Variants in SPATA17 observed in about 807,000 individuals in gnomAD.
The protein encoded by SPATA17 is spermatogenesis-associated protein 17.
In SPATA17, 53 loss-of-function variants were observed where a neutral mutation model predicts 62.2. The ratio of observed to expected loss-of-function variants is 0.85; its 90% CI spans 0.68 to 1.07. SPATA17 has a LOEUF of 1.07. Ranked by LOEUF, SPATA17 falls within the 50% of genes least tolerant of loss-of-function variation. SPATA17 has a pLI of 0.00. For missense variants in SPATA17, 466 were observed against 425.5 expected (o/e 1.10, Z -0.84); for synonymous variants, 146 against 146.8 (o/e 0.99, Z 0.04).
At chr1:217,802,943 C>T (rs1480368139) in intron 9 of SPATA17, among the ~76,000 whole-genome samples, 3 of 152,112 alleles carry the variant, frequency 2.0e-5, no homozygotes, top group Non-Finnish European at 4.4e-5. Context: ...GATGAAGTCT[C>T]GCTCTGTCGC....
chr1:217,857,134 CT>C (rs1411785702), intron 9 of SPATA17, among the ~76,000 whole-genome samples: 1 of 152,098 alleles, frequency 6.6e-6, no homozygotes, highest in African/African-American at 2.4e-5. Flanking sequence ...TCTCTCTAAT[CT>C]CAAAAGTTTT....
chr1:217,778,075 TTAA>T (rs1464012123), intron 7 of SPATA17, among the ~76,000 whole-genome samples: 7 of 152,302 alleles, frequency 4.6e-5, no homozygotes, highest in African/African-American at 1.7e-4. Flanking sequence ...CAACAAGCAA[TTAA>T]ATTTATTAAT....
rs116020793 is a variant in SPATA17, at chr1:217,663,950, G to A, written c.241-5083G>A. Among the ~76,000 whole-genome samples the A allele has an allele frequency of 7.8e-3, 1,189 of 151,988 alleles. 19 individuals carry two copies. Among genetic ancestry groups the A allele is most frequent in the African/African-American group, 0.026 (1,088 of 41,420 alleles). On this transcript the variant is annotated intron_variant, in intron 3 of 10. Transcript: ENST00000366933. ...TTGTATATTGTACATGAAAATATGC[G>A]AAGAAGGATTTTAAAACTGAGGAAA...
At position 217,667,677 on chromosome 1, in the gene SPATA17, C is replaced by T. The variant is rs529778092; in HGVS notation, c.241-1356C>T. Among the ~76,000 whole-genome samples, 131 of 152,282 alleles carry T rather than the reference C, an allele frequency of 8.6e-4. 1 individual carries two copies. Among genetic ancestry groups the T allele is most frequent in the African/African-American group, 3.0e-3 (124 of 41,558 alleles). On this transcript the variant is annotated intron_variant, in intron 3 of 10. Transcript: ENST00000366933. ...ATGATATGATAAAGACAAGAAACAT[C>T]TTTTTCTGAACCCAAACTCTTGGAA... is the stretch of plus-strand genomic sequence containing the variant.
intron 7 of SPATA17, among the ~76,000 whole-genome samples, chr1:217,777,519 A>C (rs1052576352): frequency 1.3e-5 from 2 of 152,122 alleles, no homozygotes; most frequent in African/African-American, 4.8e-5. Flanking sequence ...CTCCTGCCTC[A>C]GCCTCCCAAG....
intron 5 of SPATA17, among the ~76,000 whole-genome samples, chr1:217,686,049 C>T (rs1671208627): frequency 6.6e-6 from 1 of 152,050 alleles, no homozygotes; most frequent in Non-Finnish European, 1.5e-5. Flanking sequence ...TCAATATTAT[C>T]TGCAGTTTCA....
intron 3 of SPATA17, among the ~76,000 whole-genome samples, chr1:217,656,553 T>C (rs1021821974): frequency 8.6e-5 from 13 of 151,404 alleles, no homozygotes; most frequent in Middle Eastern, 3.2e-3. Flanking sequence ...GATATATGTA[T>C]GTATGTATGT....
At chr1:217,738,368 A>G (rs887788949) in intron 5 of SPATA17, among the ~76,000 whole-genome samples, 1 of 152,202 alleles carries the variant, frequency 6.6e-6, no homozygotes, top group African/African-American at 2.4e-5. Flanking sequence ...GGAGACCACC[A>G]AGGGAATTAG....
chr1:217,636,066 G>A (rs1669929942), intron 1 of SPATA17, among the ~76,000 whole-genome samples: 1 of 146,832 alleles, frequency 6.8e-6, no homozygotes, highest in South Asian at 2.2e-4. Context: ...CCTAGAGGTG[G>A]AGGTTGCAGT....
chr1:217,838,952 G>A (rs1295313010), intron 9 of SPATA17, among the ~76,000 whole-genome samples: 3 of 151,980 alleles, frequency 2.0e-5, no homozygotes, highest in Admixed American at 6.6e-5. Context: ...TTGGGACAAA[G>A]TACATTAACC....
chr1:217,737,460 G>T (rs1466339650), intron 5 of SPATA17, among the ~76,000 whole-genome samples: 1 of 152,150 alleles, frequency 6.6e-6, no homozygotes, highest in Non-Finnish European at 1.5e-5. Flanking sequence ...CATCTTTAAG[G>T]GAAGGGAGGA....
intron 9 of SPATA17, among the ~76,000 whole-genome samples, chr1:217,813,852 TG>T (rs1674654072): frequency 6.6e-6 from 1 of 152,082 alleles, no homozygotes; most frequent in African/African-American, 2.4e-5. Context: ...TAGTCTACTA[TG>T]CATTTCAGAA....
At chr1:217,791,730 G>A (rs1193125160) in intron 8 of SPATA17, among the ~76,000 whole-genome samples, 5 of 152,198 alleles carry the variant, frequency 3.3e-5, no homozygotes, top group Non-Finnish European at 7.3e-5. Context: ...ATGTGGTAGA[G>A]ACATTCATAA....
At chr1:217,775,548 C>G (rs1311130425) in intron 7 of SPATA17, among the ~76,000 whole-genome samples, 1 of 151,976 alleles carries the variant, frequency 6.6e-6, no homozygotes, top group African/African-American at 2.4e-5. Context: ...ACTAAAAATA[C>G]AAAAATTAGC....
chr1:217,769,634 T>C (rs1482949836), intron 6 of SPATA17, among the ~76,000 whole-genome samples: 1 of 152,224 alleles, frequency 6.6e-6, no homozygotes, highest in Non-Finnish European at 1.5e-5. Context: ...TCAAAACATT[T>C]AAAAATTCCT....
At chr1:217,791,908 C>G (rs1368682946) in intron 8 of SPATA17, among the ~76,000 whole-genome samples, 2 of 152,070 alleles carry the variant, frequency 1.3e-5, no homozygotes, top group African/African-American at 2.4e-5. Context: ...AGAACTGAGA[C>G]GTTGGTAATG....
chr1:217,830,366 C>G (rs1675111338), intron 9 of SPATA17, among the ~76,000 whole-genome samples: 1 of 152,056 alleles, frequency 6.6e-6, no homozygotes, highest in Non-Finnish European at 1.5e-5. Flanking sequence ...TGCTTGATCA[C>G]TTCATATCAC....
chr1:217,735,605 G>C (rs1353860379), intron 5 of SPATA17, among the ~76,000 whole-genome samples: 1 of 152,080 alleles, frequency 6.6e-6, no homozygotes, highest in African/African-American at 2.4e-5. Context: ...TGTTGCAGAA[G>C]GTAATGGACA....
chr1:217,790,748 T>C (rs1673978554), intron 8 of SPATA17, among the ~76,000 whole-genome samples: 1 of 152,196 alleles, frequency 6.6e-6, no homozygotes, highest in East Asian at 1.9e-4. Flanking sequence ...CTTTTAAAAC[T>C]TTAAATATAA....
Sources: gnomAD v4.1 joint callset for allele counts (sites outside exome capture counted in the v4.1 genomes callset) on GRCh38, gnomAD v4.1.1 for gene constraint, MANE v1.5 for transcripts, NCBI Gene and HGNC (gene_info 2026-07-23, HGNC 2026-07-21) for gene names.